The following ZNF534 variants were observed in gnomAD, a reference collection of about 807,000 sequenced individuals.
ZNF534 encodes the protein KRAB domain only 3.
In ZNF534, 19 loss-of-function variants were observed where a neutral mutation model predicts 13.6. The ratio of observed to expected loss-of-function variants is 1.40; its 90% CI spans 0.97 to 2.05. The LOEUF (loss-of-function observed/expected upper bound fraction) is 2.05. ZNF534 is among the 30% of genes most tolerant of loss of function. The probability of loss-of-function intolerance (pLI) is 0.00; values close to 1 mark genes in which losing one functional copy is unlikely to be tolerated. For synonymous variants in ZNF534, 244 were observed against 273.8 expected (o/e 0.89, Z 1.07); for missense variants, 782 against 796.3 (o/e 0.98, Z 0.22).
At chr19:52,433,378 G>A (rs564234401) in intron 2 of ZNF534, among the ~76,000 whole-genome samples, 4,216 of 151,418 alleles carry the variant, frequency 0.028, 88 homozygotes, top group Non-Finnish European at 0.038. Context: ...CTTTTTGGGG[G>A]GGGGAGGGGA....
rs969430643 is a variant in ZNF534 at position 52,440,658 on chromosome 19, G to C, written c.*1212G>C. Among the ~76,000 whole-genome samples, 2 of 141,832 alleles carry C rather than the reference G, an allele frequency of 1.4e-5. No individual in the cohort carries two copies. The highest frequency in any genetic ancestry group is 1.5e-4 in the Admixed American group (2 of 13,610). 93.0% of individuals were successfully genotyped at this position (141,832 alleles called of 152,430 possible). On this transcript the variant is annotated 3_prime_UTR_variant, in exon 5 of 5. Coordinates refer to ENST00000433050, the MANE Select transcript of ZNF534 (RefSeq NM_001143938.3). ...TAGCTGGGTGTGGTGGTGGGTGTCT[G>C]TAATCCCAGCTACTCAGGAGGCTGA...
At chr19:52,434,213 A>C in intron 3 of ZNF534, 132 bp downstream of exon 3, 1 of 1,405,744 alleles carries the variant, frequency 7.1e-7, no homozygotes, top group Non-Finnish European at 9.6e-7. Flanking sequence ...AATGAAAAGC[A>C]GGCCAGGCGC....
intron 4 of ZNF534, among the ~76,000 whole-genome samples, chr19:52,436,230 G>T (rs1599863016): frequency 6.6e-6 from 1 of 152,052 alleles, no homozygotes; most frequent in Non-Finnish European, 1.5e-5. Flanking sequence ...GAGTCACCGT[G>T]CCCGGCCCTT....
exon 5 of ZNF534, chr19:52,452,033 C>A: frequency 4.7e-6 from 1 of 214,052 alleles, no homozygotes; most frequent in South Asian, 8.5e-5. Flanking sequence ...TTTTACACTT[C>A]TGTAAACTTA....
chr19:52,434,730 C>CA (rs772851558), intron 3 of ZNF534, among the ~76,000 whole-genome samples: 2,202 of 69,646 alleles, frequency 0.032, 71 homozygotes, highest in African/African-American at 0.085. Context: ...GACTCTGTCT[C>CA]AAAAAAAAAA....
In ZNF534 at chr19:52,438,427, G is replaced by A. The variant is rs773946722; in HGVS notation, c.967G>A (p.Glu323Lys). 1 of 1,613,280 alleles carries A rather than the reference G, an allele frequency of 6.2e-7. No homozygotes were observed. The highest frequency in any genetic ancestry group is 1.1e-5 in the South Asian group (1 of 90,980). ...LTAHLVIHTGEKPYDCKECGK... is the reference protein window; with the variant it reads ...LTAHLVIHTGKKPYDCKECGK... Reference sequence around the variant, plus strand: ...TGCTCATCTTGTAATCCATACTGGAGAGAAACCTTATGATTGTAAGGAATG... The same window carrying A: ...TGCTCATCTTGTAATCCATACTGGAAAGAAACCTTATGATTGTAAGGAATG... The change falls in exon 5 of 5, where the codon GAG becomes AAG. Residue 323 changes from glutamate to lysine, a missense_variant. Transcript: ENST00000433050.
In ZNF534 at chr19:52,438,942, C is replaced by G; in HGVS notation, c.1482C>G (p.Tyr494Ter). The G allele has an allele frequency of 6.3e-7, 1 of 1,596,322 alleles. No homozygotes were observed. The highest frequency in any genetic ancestry group is 1.1e-5 in the South Asian group (1 of 89,470). ...HRKIHTGEKL[Y>*]KCNECGKVFR... The stretch of plus-strand genomic sequence containing the variant: ...AAATTCATACTGGAGAGAAGCTTTA[C>G]AAATGTAATGAATGTGGCAAGGTCT... Residue 494 changes from tyrosine to a stop codon, truncating the protein, a stop_gained, in exon 5 of 5, where the codon TAC becomes TAG. Coordinates refer to ENST00000433050, the MANE Select transcript of ZNF534 (RefSeq NM_001143938.3). LOFTEE classifies it low-confidence loss of function (END_TRUNC).
chr19:52,442,165 T>C lies in ZNF534; in HGVS notation c.*2719T>C, dbSNP rs1409812651. On this transcript the variant is annotated 3_prime_UTR_variant, in exon 5 of 5. Transcript: ENST00000433050. Reference sequence around the variant, plus strand: ...TTGTTTTCTTTTTTCCTAAAAGTGTTGGGAACAGGCCACCAAAACTGGCCA... The same window carrying C: ...TTGTTTTCTTTTTTCCTAAAAGTGTCGGGAACAGGCCACCAAAACTGGCCA... Among the ~76,000 whole-genome samples, 3 of 152,222 alleles carry C rather than the reference T, an allele frequency of 2.0e-5. No individual in the cohort carries two copies. Among genetic ancestry groups the C allele is most frequent in the Admixed American group, 6.5e-5 (1 of 15,282 alleles).
In ZNF534 at chr19:52,438,970, C is replaced by T. The variant is rs370491316; in HGVS notation, c.1510C>T (p.Arg504Cys). The T allele has an allele frequency of 1.7e-4, 266 of 1,577,690 alleles. No homozygotes were observed. In the Middle Eastern group the frequency reaches 2.2e-3, roughly 13 times the overall value. The change falls in exon 5 of 5, where the codon CGT (arginine) becomes TGT (cysteine). Residue 504 changes from arginine (R) to cysteine (C), a missense_variant. Around this residue, in one of 5 missense-constraint regions of ZNF534, gnomAD observed 591 missense variants for 574.0 expected, o/e 1.03. Coordinates refer to ENST00000433050, the MANE Select transcript of ZNF534 (RefSeq NM_001143938.3). ...YKCNECGKVFRQNSHLAQHRD... is the reference protein window; with the variant it reads ...YKCNECGKVFCQNSHLAQHRD... ...ATGTAATGAATGTGGCAAGGTCTTC[C>T]GTCAGAATTCACACCTTGCACAACA...
Position 52,438,753 on chromosome 19 carries a change from C to A in ZNF534, c.1293C>A (p.Ile431=). ...TCSDLTAHLL[I]HTGEKPYECI... is the part of the protein sequence containing the mutation. ...CAGATCTCACTGCCCATCTTCTAATCCATACTGGAGAGAAACCTTACGAAT... is the reference window on the plus strand; with the variant it reads ...CAGATCTCACTGCCCATCTTCTAATACATACTGGAGAGAAACCTTACGAAT... The change falls in exon 5 of 5, where the codon ATC becomes ATA. Residue 431 remains isoleucine (I), a synonymous_variant. Transcript: ENST00000433050. The A allele has an allele frequency of 1.9e-6, 3 of 1,601,178 alleles. No individual in the cohort carries two copies. The highest frequency in any genetic ancestry group is 2.6e-6 in the Non-Finnish European group (3 of 1,173,450).
exon 5 of ZNF534, chr19:52,451,873 TAGA>T (rs1428355378): frequency 1.5e-5 from 11 of 716,220 alleles, no homozygotes; most frequent in African/African-American, 1.4e-4. Context: ...AATCCAGAAA[TAGA>T]AGAAGTTCAA....
Position 52,440,131 on chromosome 19 carries a change from A to G in ZNF534, c.*685A>G, listed in dbSNP as rs1424990778. Among the ~76,000 whole-genome samples, 2 of 152,194 alleles carry G rather than the reference A, an allele frequency of 1.3e-5. No individual in the cohort carries two copies. Among genetic ancestry groups the G allele is most frequent in the Non-Finnish European group, 2.9e-5 (2 of 68,046 alleles). On this transcript the variant is annotated 3_prime_UTR_variant, in exon 5 of 5. Coordinates refer to ENST00000433050, the MANE Select transcript of ZNF534 (RefSeq NM_001143938.3). The stretch of plus-strand genomic sequence containing the variant: ...AGTAATAAATATGGCAAAGAATTTC[A>G]TATGAAATCATGCCTCTCTACCCAT...
In ZNF534 at chr19:52,437,724, T is replaced by A; in HGVS notation, c.272-8T>A. On this transcript the variant is annotated splice_region_variant and splice_polypyrimidine_tract_variant and intron_variant, in intron 4 of 4. Coordinates refer to ENST00000433050, the MANE Select transcript of ZNF534 (RefSeq NM_001143938.3). ...GGATTAAGTTCTAAAATTTTCTTGC[T>A]TTTCTAGAGAAGAGTTCTAAATTGG... 1.3e-6 allele frequency: 2 copies of A among 1,546,106 alleles called. No homozygotes were observed. The highest frequency in any genetic ancestry group is 1.7e-6 in the Non-Finnish European group (2 of 1,149,654).
rs116681907 is a variant in ZNF534, at chr19:52,441,612, G to T, written c.*2166G>T. On this transcript the variant is annotated 3_prime_UTR_variant, in exon 5 of 5. Coordinates refer to ENST00000433050, the MANE Select transcript of ZNF534 (RefSeq NM_001143938.3). ...TGCAGAGAAGCCTTACAAATGCAGC[G>T]AATGTGACAAAGCATTTAGATAATG... Among the ~76,000 whole-genome samples the T allele has an allele frequency of 2.0e-5, 3 of 152,148 alleles. No individual in the cohort carries two copies. The highest frequency in any genetic ancestry group is 1.5e-5 in the Non-Finnish European group (1 of 68,032).
chr19:52,444,048 G>A (rs2059185762), downstream of ZNF534, among the ~76,000 whole-genome samples: 1 of 152,044 alleles, frequency 6.6e-6, no homozygotes, highest in Non-Finnish European at 1.5e-5. Context: ...GTGAGCTACT[G>A]TGATTTTTTG....
chr19:52,452,191 T>C (rs1446281001), exon 5 of ZNF534: 1 of 155,758 alleles, frequency 6.4e-6, no homozygotes, highest in East Asian at 1.9e-4. Flanking sequence ...TGTGGTGACC[T>C]GATGTAAACA....
At chr19:52,436,631 CA>C (rs1345380660) in intron 4 of ZNF534, among the ~76,000 whole-genome samples, 3 of 152,096 alleles carry the variant, frequency 2.0e-5, no homozygotes, top group Non-Finnish European at 2.9e-5. Context: ...AGGTTTTCTT[CA>C]TCATGTTTTC....
chr19:52,448,170 C>G (rs139196526), intron 4 of ZNF534, among the ~76,000 whole-genome samples: 2,123 of 152,204 alleles, frequency 0.014, 49 homozygotes, highest in African/African-American at 0.048. Flanking sequence ...AATCCCAGCA[C>G]TTTGGAAGGC....
At chr19:52,432,442 G>A (rs1332558919) in intron 2 of ZNF534, among the ~76,000 whole-genome samples, 7 of 152,046 alleles carry the variant, frequency 4.6e-5, no homozygotes, top group East Asian at 1.9e-4. Flanking sequence ...GCAAGCTAGC[G>A]TGTATGTGAA....
Sources: gnomAD v4.1 joint callset for allele counts (sites outside exome capture counted in the v4.1 genomes callset) on GRCh38, gnomAD v4.1.1 for gene constraint, gnomAD v4.1.1 regional missense constraint, MANE v1.5 for transcripts, NCBI Gene and HGNC (gene_info 2026-07-23, HGNC 2026-07-21) for gene names.